IKBKB-DT: variants seen among roughly 807,000 people sequenced by gnomAD.
IKBKB-DT encodes the protein IKBKB divergent transcript.
At position 42,236,130 on chromosome 8, in the gene IKBKB-DT, A is replaced by G. The variant is rs554868023; in HGVS notation, n.1530-2271T>C. Among the ~76,000 whole-genome samples the G allele has an allele frequency of 8.5e-5, 13 of 152,292 alleles. No homozygotes were observed. In the East Asian group the frequency reaches 1.7e-3, roughly 20 times the overall value. ...ATATTAATAACATATATCCATACAAAGGAAACTTTTAAAAGATTAAGCATC... is the reference window on the plus strand; with the variant it reads ...ATATTAATAACATATATCCATACAAGGGAAACTTTTAAAAGATTAAGCATC... On this transcript the variant is annotated intron_variant and non_coding_transcript_variant, in intron 3 of 3. Coordinates refer to ENST00000518213, the Ensembl canonical transcript of IKBKB-DT.
intron 3 of IKBKB-DT, among the ~76,000 whole-genome samples, chr8:42,241,500 A>G (rs1807003702): frequency 6.6e-6 from 1 of 152,108 alleles, no homozygotes; most frequent in African/African-American, 2.4e-5. Flanking sequence ...TCAAAATGTG[A>G]CATTCTTAAT....
At chr8:42,254,956 T>C (rs1807177368) in intron 3 of IKBKB-DT, among the ~76,000 whole-genome samples, 1 of 151,850 alleles carries the variant, frequency 6.6e-6, no homozygotes, top group Admixed American at 6.6e-5. Context: ...GGAGCATCTC[T>C]GCCCAGCTGC....
intron 3 of IKBKB-DT, among the ~76,000 whole-genome samples, chr8:42,252,895 A>T (rs761645850): frequency 6.6e-6 from 1 of 152,220 alleles, no homozygotes; most frequent in Non-Finnish European, 1.5e-5. Context: ...CTAGCATAAC[A>T]TGACAAAGAA....
chr8:42,239,251 C>T lies in IKBKB-DT; in HGVS notation n.1530-5392G>A, dbSNP rs1210492700. On this transcript the variant is annotated intron_variant and non_coding_transcript_variant, in intron 3 of 3. Transcript: ENST00000518213. ...GGCTTTATGTCAGCAGCCACAGCTA[C>T]GGGGCCTCTCCTGTGAGCCTGGGGT... Among the ~76,000 whole-genome samples the T allele has an allele frequency of 7.2e-5, 11 of 152,160 alleles. 1 individual carries two copies. Among genetic ancestry groups the T allele is most frequent in the South Asian group, 4.2e-4 (2 of 4,808 alleles).
intron 3 of IKBKB-DT, among the ~76,000 whole-genome samples, chr8:42,251,766 T>C (rs1389255692): frequency 6.7e-6 from 1 of 149,804 alleles, no homozygotes; most frequent in Non-Finnish European, 1.5e-5. Flanking sequence ...GGGGCAGAGG[T>C]TGCCGTGAGC....
intron 3 of IKBKB-DT, among the ~76,000 whole-genome samples, chr8:42,261,849 C>A (rs961557442): frequency 2.0e-5 from 3 of 152,204 alleles, no homozygotes; most frequent in African/African-American, 7.2e-5. Flanking sequence ...TGGTTATATT[C>A]CTGGGTGTCC....
At chr8:42,241,980 G>A (rs1224816758) in intron 3 of IKBKB-DT, among the ~76,000 whole-genome samples, 4 of 152,148 alleles carry the variant, frequency 2.6e-5, no homozygotes, top group East Asian at 1.9e-4. Flanking sequence ...TTGGGAGGCC[G>A]AAGCGGGCGG....
chr8:42,267,336 C>G (rs915423751), intron 1 of IKBKB-DT, among the ~76,000 whole-genome samples: 1 of 152,104 alleles, frequency 6.6e-6, no homozygotes, highest in Admixed American at 6.6e-5. Flanking sequence ...TTTACTGACT[C>G]GCCCTGAATT....
chr8:42,257,389 C>A (rs1585466475), intron 3 of IKBKB-DT, among the ~76,000 whole-genome samples: 1 of 151,978 alleles, frequency 6.6e-6, no homozygotes, highest in Non-Finnish European at 1.5e-5. Context: ...GTAGTCCCAG[C>A]TACTTGGGAG....
rs773177896 is a variant in IKBKB-DT at position 42,241,224 on chromosome 8, C to CTTTTTTTTTTTTTTT, written n.1530-7380_1530-7366dup. Among the ~76,000 whole-genome samples the CTTTTTTTTTTTTTTT allele has an allele frequency of 7.7e-4, 35 of 45,694 alleles. 12 individuals are homozygous for CTTTTTTTTTTTTTTT. Among genetic ancestry groups the CTTTTTTTTTTTTTTT allele is most frequent in the South Asian group, 1.8e-3 (2 of 1,096 alleles). The allele number at this position is 45,694 out of a possible 152,430, so 30.0% of individuals were successfully genotyped here. A position where few individuals can be genotyped will look rare whatever the true frequency, so the allele number is the denominator to read the frequency against. ...TTGATGCCTTTAGATATGTTGGAAT[C>CTTTTTTTTTTTTTTT]TTTTTTTTTTTTTTTTTTTTTTTTT... On this transcript the variant is annotated intron_variant and non_coding_transcript_variant, in intron 3 of 3. Transcript: ENST00000518213.
chr8:42,246,805 C>T (rs1035180995), intron 3 of IKBKB-DT, among the ~76,000 whole-genome samples: 3 of 152,124 alleles, frequency 2.0e-5, no homozygotes, highest in African/African-American at 4.8e-5. Context: ...CACCAGGGAC[C>T]GGTTTCGTGG....
intron 1 of IKBKB-DT, among the ~76,000 whole-genome samples, chr8:42,269,431 G>T: frequency 1.1e-5 from 1 of 91,900 alleles, no homozygotes; most frequent in African/African-American, 4.2e-5. Context: ...AAGGGAAGGG[G>T]AGGGGAAGCG....
At chr8:42,243,766 G>A (rs191467827) in intron 3 of IKBKB-DT, among the ~76,000 whole-genome samples, 75 of 152,300 alleles carry the variant, frequency 4.9e-4, no homozygotes, top group Non-Finnish European at 8.4e-4. Context: ...TTAAAATAAG[G>A]ATAAACAGTT....
chr8:42,259,527 T>C (rs1042744379), intron 3 of IKBKB-DT, among the ~76,000 whole-genome samples: 2 of 152,202 alleles, frequency 1.3e-5, no homozygotes, highest in African/African-American at 4.8e-5. Flanking sequence ...ACCCTGACTA[T>C]AGGTTACCAA....
At chr8:42,263,938 A>G (rs1426159274) in intron 2 of IKBKB-DT, among the ~76,000 whole-genome samples, 1 of 151,978 alleles carries the variant, frequency 6.6e-6, no homozygotes, top group African/African-American at 2.4e-5. Context: ...CAGCCTCCTG[A>G]GGAGCTTGGA....
chr8:42,261,598 T>A (rs989810420), intron 3 of IKBKB-DT, among the ~76,000 whole-genome samples: 2 of 152,224 alleles, frequency 1.3e-5, no homozygotes, highest in African/African-American at 4.8e-5. Context: ...CAATGTGAAT[T>A]CCTGACAAAC....
intron 3 of IKBKB-DT, among the ~76,000 whole-genome samples, chr8:42,237,080 G>GTTT (rs56990936): frequency 2.9e-4 from 41 of 140,710 alleles, no homozygotes; most frequent in South Asian, 1.8e-3. Context: ...AGAAGGCTCA[G>GTTT]TTTTTTTTTT....
At chr8:42,253,356 A>G (rs1158908052) in intron 3 of IKBKB-DT, among the ~76,000 whole-genome samples, 1 of 152,226 alleles carries the variant, frequency 6.6e-6, no homozygotes, top group East Asian at 1.9e-4. Flanking sequence ...TACATTTGAC[A>G]TCAATCAAAT....
chr8:42,245,824 C>T (rs1052518749), intron 3 of IKBKB-DT, among the ~76,000 whole-genome samples: 1 of 152,150 alleles, frequency 6.6e-6, no homozygotes, highest in Non-Finnish European at 1.5e-5. Flanking sequence ...CATTTCACCT[C>T]CAGGAACTTC....
Sources: gnomAD v4.1 joint callset for allele counts (sites outside exome capture counted in the v4.1 genomes callset) on GRCh38, gnomAD v4.1.1 for gene constraint, MANE v1.5 for transcripts, NCBI Gene and HGNC (gene_info 2026-07-23, HGNC 2026-07-21) for gene names.